HS6ST3: variants seen among roughly 807,000 people sequenced by gnomAD.
The protein encoded by HS6ST3 is heparan-sulfate 6-O-sulfotransferase 3.
A neutral mutation model predicts 36.7 loss-of-function variants in HS6ST3; 12 were observed. The observed-to-expected ratio is 0.33, with a 90% CI of 0.21 to 0.53. The LOEUF (loss-of-function observed/expected upper bound fraction) is 0.53. HS6ST3 is among the 20% of genes least tolerant of loss of function. The pLI, the probability that HS6ST3 is intolerant of heterozygous loss-of-function variation, is 0.95. For missense variants in HS6ST3, 584 were observed against 640.9 expected (o/e 0.91, Z 0.96); for synonymous variants, 240 against 257.5 (o/e 0.93, Z 0.65).
intron 1 of HS6ST3, among the ~76,000 whole-genome samples, chr13:96,184,541 G>A (rs908764019): frequency 6.6e-6 from 1 of 152,024 alleles, no homozygotes; most frequent in African/African-American, 2.4e-5. Context: ...TAGGCCATGC[G>A]CTTTCCCCTG....
intron 1 of HS6ST3, 43 bp downstream of exon 1, chr13:96,091,612 C>T (rs778695247): frequency 6.6e-6 from 10 of 1,512,942 alleles, no homozygotes; most frequent in South Asian, 6.2e-5. Flanking sequence ...CCCCACCCCC[C>T]ATCCCTCTTC....
intron 1 of HS6ST3, among the ~76,000 whole-genome samples, chr13:96,411,221 A>G (rs1421932270): frequency 6.6e-6 from 1 of 152,170 alleles, no homozygotes; most frequent in African/African-American, 2.4e-5. Context: ...ACAGTCCCCC[A>G]TTCCATCATG....
At chr13:96,499,466 C>T (rs1175195994) in intron 1 of HS6ST3, among the ~76,000 whole-genome samples, 7 of 152,026 alleles carry the variant, frequency 4.6e-5, no homozygotes, top group Non-Finnish European at 1.0e-4. Context: ...CAGAGGGAGA[C>T]CTTGCTTGTT....
At chr13:96,357,564 CTATT>C (rs76660473) in intron 1 of HS6ST3, among the ~76,000 whole-genome samples, 19,022 of 152,036 alleles carry the variant, frequency 0.13, 1,367 homozygotes, top group Middle Eastern at 0.22. Flanking sequence ...AGTTCACCAT[CTATT>C]TATTTATTTA....
At chr13:96,400,325 A>G (rs1185663182) in intron 1 of HS6ST3, among the ~76,000 whole-genome samples, 2 of 151,892 alleles carry the variant, frequency 1.3e-5, no homozygotes, top group African/African-American at 2.4e-5. Context: ...ACACACACAC[A>G]CACACACACA....
At chr13:96,597,147 A>G (rs1480293828) in intron 1 of HS6ST3, among the ~76,000 whole-genome samples, 3 of 152,136 alleles carry the variant, frequency 2.0e-5, no homozygotes, top group East Asian at 1.9e-4. Context: ...ATGAGAATAC[A>G]TGGACACAAA....
At chr13:96,234,139 G>A (rs912907609) in intron 1 of HS6ST3, among the ~76,000 whole-genome samples, 2 of 151,862 alleles carry the variant, frequency 1.3e-5, no homozygotes, top group South Asian at 2.1e-4. Flanking sequence ...GCCAGGCATG[G>A]TGGCTCACGC....
chr13:96,412,892 A>C (rs139451607), intron 1 of HS6ST3, among the ~76,000 whole-genome samples: 1 of 149,886 alleles, frequency 6.7e-6, no homozygotes, highest in Non-Finnish European at 1.5e-5. Flanking sequence ...GGGCATAGTG[A>C]GTAATCAATA....
intron 1 of HS6ST3, among the ~76,000 whole-genome samples, chr13:96,180,194 G>A (rs545972737): frequency 2.1e-3 from 310 of 150,902 alleles, no homozygotes; most frequent in Admixed American, 4.9e-3. Flanking sequence ...ACATACACAC[G>A]CACACACACA....
At chr13:96,373,278 G>A (rs1354119008) in intron 1 of HS6ST3, among the ~76,000 whole-genome samples, 1 of 152,082 alleles carries the variant, frequency 6.6e-6, no homozygotes, top group Non-Finnish European at 1.5e-5. Flanking sequence ...GAGCATTAGG[G>A]TGTGGACACA....
chr13:96,513,562 C>CTCTGG (rs1555309201), intron 1 of HS6ST3, among the ~76,000 whole-genome samples: 2 of 152,078 alleles, frequency 1.3e-5, no homozygotes, highest in Non-Finnish European at 2.9e-5. Context: ...CTTGGCTGAG[C>CTCTGG]TCTGCCAGGT....
At chr13:96,342,068 C>T (rs1218760226) in intron 1 of HS6ST3, among the ~76,000 whole-genome samples, 1 of 151,934 alleles carries the variant, frequency 6.6e-6, no homozygotes, top group African/African-American at 2.4e-5. Context: ...CACTGAACCT[C>T]TTTTCTCCCC....
At chr13:96,262,918 C>T (rs756507023) in intron 1 of HS6ST3, among the ~76,000 whole-genome samples, 1 of 152,046 alleles carries the variant, frequency 6.6e-6, no homozygotes, top group Non-Finnish European at 1.5e-5. Context: ...ATACCTCAGA[C>T]GTATTTGTTC....
rs916334820 is a variant in HS6ST3, at chr13:96,380,488, A to T, written c.707+288919A>T. Among the ~76,000 whole-genome samples, 5 of 152,008 alleles carry T rather than the reference A, an allele frequency of 3.3e-5. No homozygotes were observed. The East Asian group carries it at 9.7e-4, about 30-fold the overall frequency. On this transcript the variant is annotated intron_variant, in intron 1 of 1. Transcript: ENST00000376705. Reference sequence around the variant, plus strand: ...ACCATGTTAGCCAGGCTCATCTCGAACTACTGACCTCAGGTGATCCACCTG... The same window carrying T: ...ACCATGTTAGCCAGGCTCATCTCGATCTACTGACCTCAGGTGATCCACCTG...
intron 1 of HS6ST3, among the ~76,000 whole-genome samples, chr13:96,367,816 G>A (rs553707247): frequency 2.0e-5 from 3 of 152,250 alleles, no homozygotes; most frequent in East Asian, 3.9e-4. Flanking sequence ...GAGCCAGTAG[G>A]TTTTGTAACC....
At chr13:96,345,739 CAG>C (rs2055150975) in intron 1 of HS6ST3, among the ~76,000 whole-genome samples, 1 of 152,092 alleles carries the variant, frequency 6.6e-6, no homozygotes, top group Non-Finnish European at 1.5e-5. Context: ...GGCATTAGAT[CAG>C]AGGTGTCCAA....
At chr13:96,150,238 G>A (rs2054078420) in intron 1 of HS6ST3, among the ~76,000 whole-genome samples, 1 of 152,134 alleles carries the variant, frequency 6.6e-6, no homozygotes. Flanking sequence ...GACTTTTTAT[G>A]GGCTTAGAAT....
chr13:96,174,808 C>T (rs893967388), intron 1 of HS6ST3, among the ~76,000 whole-genome samples: 2 of 152,108 alleles, frequency 1.3e-5, no homozygotes, highest in Non-Finnish European at 2.9e-5. Context: ...GGATCTCTTA[C>T]TTCTTAGTTA....
At chr13:96,339,385 G>GA (rs1364528926) in intron 1 of HS6ST3, among the ~76,000 whole-genome samples, 1 of 152,080 alleles carries the variant, frequency 6.6e-6, no homozygotes, top group Non-Finnish European at 1.5e-5. Flanking sequence ...GGCCAAAAAA[G>GA]AAAAAATAGC....
Sources: gnomAD v4.1 joint callset for allele counts (sites outside exome capture counted in the v4.1 genomes callset) on GRCh38, gnomAD v4.1.1 for gene constraint, MANE v1.5 for transcripts, NCBI Gene and HGNC (gene_info 2026-07-23, HGNC 2026-07-21) for gene names.